The following SKI variants were observed in gnomAD, a reference collection of about 807,000 sequenced individuals.
SKI encodes ski oncogene.
Under a neutral mutation model 59.3 loss-of-function variants are expected in SKI, and 23 were observed. The observed-to-expected ratio is 0.39, with a 90% CI of 0.28 to 0.55. SKI has a LOEUF of 0.55. Among genes scored for constraint, SKI ranks in the 20% least tolerant of loss-of-function variants. The pLI is 0.67. For synonymous variants in SKI, 673 were observed against 488.6 expected (o/e 1.38, Z -4.98); for missense variants, 1,017 against 1,038.9 (o/e 0.98, Z 0.29).
chr1:2,277,813 C>T (rs1223659892), intron 1 of SKI, among the ~76,000 whole-genome samples: 1 of 145,438 alleles, frequency 6.9e-6, no homozygotes, highest in African/African-American at 2.6e-5. Context: ...CACCTGCACT[C>T]ACGCACACAC....
intron 1 of SKI, among the ~76,000 whole-genome samples, chr1:2,288,557 G>A (rs897024479): frequency 1.3e-5 from 2 of 152,202 alleles, no homozygotes; most frequent in Non-Finnish European, 2.9e-5. Context: ...GTCTTTGCTC[G>A]TGCGTGCACA....
At chr1:2,287,405 C>T (rs547533882) in intron 1 of SKI, among the ~76,000 whole-genome samples, 27 of 149,288 alleles carry the variant, frequency 1.8e-4, no homozygotes, top group Admixed American at 9.3e-4. Flanking sequence ...GGCGCGATCT[C>T]GGCTCACTGC....
At chr1:2,241,756 A>T (rs533589278) in intron 1 of SKI, among the ~76,000 whole-genome samples, 1 of 152,292 alleles carries the variant, frequency 6.6e-6, no homozygotes, top group African/African-American at 2.4e-5. Context: ...GTGTTTCAAT[A>T]TCCACATCTA....
chr1:2,292,804 G>A (rs1348173378), intron 1 of SKI, among the ~76,000 whole-genome samples: 1 of 152,210 alleles, frequency 6.6e-6, no homozygotes, highest in Non-Finnish European at 1.5e-5. Context: ...TTCTGACGCC[G>A]GCGGGGCTCC....
Position 2,264,660 on chromosome 1 carries a change from A to G in SKI, c.969+34925A>G, listed in dbSNP as rs901420438. Among the ~76,000 whole-genome samples, 15 of 152,042 alleles carry G rather than the reference A, an allele frequency of 9.9e-5. No homozygotes were observed. In the South Asian group the frequency reaches 2.5e-3, roughly 25 times the overall value. ...AGCAGTCTGCCCTCCCCAGCTTCCC[A>G]TAGTGCTGAGATTACACAGGCATGA... On this transcript the variant is annotated intron_variant, in intron 1 of 6. Transcript: ENST00000378536.
At position 2,268,446 on chromosome 1, in the gene SKI, C is replaced by T. The variant is rs116029358; in HGVS notation, c.970-34532C>T. On this transcript the variant is annotated intron_variant, in intron 1 of 6. Transcript: ENST00000378536. This position sits in a 1 kb window ranked among gnomAD's most constrained non-coding sequence, Gnocchi z 5.0. ...TGGAGGGCCTCTTGTTAAGGGGGCA[C>T]GGTAGTGAGTCAGGTGCCCGGGGGC... Among the ~76,000 whole-genome samples the T allele has an allele frequency of 1.4e-3, 214 of 152,240 alleles. 1 individual carries two copies. Among genetic ancestry groups the T allele is most frequent in the African/African-American group, 4.9e-3 (203 of 41,542 alleles).
At chr1:2,301,486 T>C (rs1640425129) in intron 1 of SKI, among the ~76,000 whole-genome samples, 1 of 152,012 alleles carries the variant, frequency 6.6e-6, no homozygotes, top group South Asian at 2.1e-4. Flanking sequence ...GGCCCCACCC[T>C]GCTTGTTCCC....
At chr1:2,264,057 G>A (rs946350169) in intron 1 of SKI, among the ~76,000 whole-genome samples, 4 of 151,702 alleles carry the variant, frequency 2.6e-5, no homozygotes, top group East Asian at 1.9e-4. Context: ...AAACCTACTC[G>A]GACCCAGAGT....
At chr1:2,253,147 C>T (rs1033529032) in intron 1 of SKI, among the ~76,000 whole-genome samples, 1 of 151,726 alleles carries the variant, frequency 6.6e-6, no homozygotes, top group African/African-American at 2.4e-5. Flanking sequence ...TTTCATAACG[C>T]GATTCAGTTC....
At chr1:2,275,729 C>G (rs538614332) in intron 1 of SKI, among the ~76,000 whole-genome samples, 93 of 152,218 alleles carry the variant, frequency 6.1e-4, no homozygotes, top group Middle Eastern at 6.8e-3. Flanking sequence ...AGCCAGGATG[C>G]TCTCGATCTC....
At chr1:2,288,932 G>A (rs979489709) in intron 1 of SKI, among the ~76,000 whole-genome samples, 7 of 152,220 alleles carry the variant, frequency 4.6e-5, no homozygotes, top group Non-Finnish European at 1.0e-4. Flanking sequence ...CCTGCTGGGT[G>A]ACAGGTCCCC....
intron 1 of SKI, among the ~76,000 whole-genome samples, chr1:2,238,190 A>G (rs1172156525): frequency 6.6e-6 from 1 of 152,202 alleles, no homozygotes; most frequent in African/African-American, 2.4e-5. Flanking sequence ...AGAGAACCCG[A>G]GCCTTCCTTA....
chr1:2,243,040 A>T (rs1186389666), intron 1 of SKI, among the ~76,000 whole-genome samples: 2 of 152,254 alleles, frequency 1.3e-5, no homozygotes, highest in East Asian at 3.9e-4. Context: ...GTTTGTCACA[A>T]GGGCGTGTGA....
At chr1:2,274,505 G>A (rs1371291038) in intron 1 of SKI, among the ~76,000 whole-genome samples, 5 of 152,214 alleles carry the variant, frequency 3.3e-5, no homozygotes, top group African/African-American at 7.2e-5. Context: ...GGTCGTGGCC[G>A]CGTGTGCTCT....
chr1:2,241,456 G>A (rs897710829), intron 1 of SKI, among the ~76,000 whole-genome samples: 4 of 152,020 alleles, frequency 2.6e-5, no homozygotes, highest in East Asian at 3.9e-4. Context: ...GCAGTGCTGC[G>A]ATCTCCGCTC....
intron 1 of SKI, among the ~76,000 whole-genome samples, chr1:2,284,437 A>G (rs1051089947): frequency 3.3e-5 from 5 of 152,204 alleles, no homozygotes; most frequent in African/African-American, 1.2e-4. Flanking sequence ...ATGGAAACCT[A>G]AAACCTAATT....
In SKI at chr1:2,228,904, C is replaced by G. The variant is rs745527890; in HGVS notation, c.138C>G (p.Ala46=). The G allele has an allele frequency of 7.1e-7, 1 of 1,416,778 alleles. No individual in the cohort carries two copies. Among genetic ancestry groups the G allele is most frequent in the Non-Finnish European group, 9.3e-7 (1 of 1,080,446 alleles). 87.8% of individuals were successfully genotyped at this position (1,416,778 alleles called of 1,614,324 possible). ...AAFSARWAQE[A]YKKESAKEAG... Reference sequence around the variant, plus strand: ...TCTCGGCGCGCTGGGCGCAGGAGGCCTACAAGAAGGAGAGCGCCAAGGAGG... The same window carrying G: ...TCTCGGCGCGCTGGGCGCAGGAGGCGTACAAGAAGGAGAGCGCCAAGGAGG... The change falls in exon 1 of 7, where the codon GCC becomes GCG. Residue 46 remains alanine, a synonymous_variant. Coordinates refer to ENST00000378536, the MANE Select transcript of SKI (RefSeq NM_003036.4).
chr1:2,298,056 G>A (rs372626250), intron 1 of SKI, among the ~76,000 whole-genome samples: 1 of 152,202 alleles, frequency 6.6e-6, no homozygotes, highest in African/African-American at 2.4e-5. Flanking sequence ...CCATGCAGGT[G>A]TGGAGACGGA....
intron 1 of SKI, among the ~76,000 whole-genome samples, chr1:2,272,008 T>C (rs1639633435): frequency 6.6e-6 from 1 of 152,126 alleles, no homozygotes; most frequent in Admixed American, 6.5e-5. Context: ...GACTTGCCCC[T>C]GTGGGCAGGT....
Sources: gnomAD v4.1 joint callset for allele counts (sites outside exome capture counted in the v4.1 genomes callset) on GRCh38, gnomAD v4.1.1 for gene constraint, Gnocchi (gnomAD v3.1) non-coding constraint, MANE v1.5 for transcripts, NCBI Gene and HGNC (gene_info 2026-07-23, HGNC 2026-07-21) for gene names.